The following TMEM240 variants were observed in gnomAD, a reference collection of about 807,000 sequenced individuals.
TMEM240 encodes transmembrane protein 240.
In TMEM240, 3 loss-of-function variants were observed where a neutral mutation model predicts 19.5. The ratio of observed to expected loss-of-function variants is 0.15; its 90% confidence interval spans 0.07 to 0.40. TMEM240 has a LOEUF of 0.40. Among genes scored for constraint, TMEM240 ranks in the 10% least tolerant of loss-of-function variants. The probability of loss-of-function intolerance (pLI) is 1.00; values close to 1 mark genes in which losing one functional copy is unlikely to be tolerated. For synonymous variants in TMEM240, 123 were observed against 109.3 expected, an observed-to-expected ratio of 1.13 and a Z score of -0.78; for missense variants, 210 against 253.5, an observed-to-expected ratio of 0.83 and a Z score of 1.17.
At position 1,535,762 on chromosome 1, in the gene TMEM240, T is replaced by C. The variant is rs1481499756; in HGVS notation, c.200A>G (p.Asp67Gly). Reference sequence around the variant, plus strand: ...CTCGGAGGCGTCCACCACCGACTGGTCCCCGTCGTACGGGATCACGTAGTG... The same window carrying C: ...CTCGGAGGCGTCCACCACCGACTGGCCCCCGTCGTACGGGATCACGTAGTG... ...HIHYVIPYDGDQSVVDASENY... is the reference protein window; with the variant it reads ...HIHYVIPYDGGQSVVDASENY... The change falls in exon 3 of 4, where the codon GAC (aspartate) becomes GGC (glycine). Residue 67 changes from aspartate (D) to glycine (G), a missense_variant. Asp to Gly is a moderately conservative substitution (Grantham distance 94). This residue lies in a region of TMEM240 where 157 missense variants were observed against 168.2 expected (regional missense o/e 0.93). Coordinates refer to ENST00000378733, the MANE Select transcript of TMEM240 (RefSeq NM_001114748.2). The surrounding 1 kb of genome is among the most constrained non-coding windows in gnomAD (Gnocchi z 8.2). 1.3e-6 allele frequency: 2 copies of C among 1,549,664 alleles called. No individual in the cohort carries two copies. Among genetic ancestry groups the C allele is most frequent in the Admixed American group, 2.0e-5 (1 of 50,926 alleles).
chr1:1,538,675 C>A (rs1418077841), intron 2 of TMEM240, among the ~76,000 whole-genome samples: 1 of 152,252 alleles, frequency 6.6e-6, no homozygotes. Flanking sequence ...GTCACAGACA[C>A]CCCGATCTCT....
Position 1,539,758 on chromosome 1 carries a change from C to T in TMEM240, c.90G>A (p.Leu30=). 1 of 1,547,876 alleles carries T rather than the reference C, an allele frequency of 6.5e-7. No homozygotes were observed. The highest frequency in any genetic ancestry group is 1.4e-5 in the African/African-American group (1 of 72,932). The change falls in exon 2 of 4, where the codon CTG becomes CTA. Residue 30 remains leucine (L), a synonymous_variant. Coordinates refer to ENST00000378733, the MANE Select transcript of TMEM240 (RefSeq NM_001114748.2). Reference sequence around the variant, plus strand: ...GGATGTAGTTGTGGAATCGGTCCAGCAGCGCGTTCATGTCCATCAAGCACG... The same window carrying T: ...GGATGTAGTTGTGGAATCGGTCCAGTAGCGCGTTCATGTCCATCAAGCACG... The part of the protein sequence containing the change: ...AIACLMDMNA[L]LDRFHNYILP...
Position 1,535,358 on chromosome 1 carries a change from C to T in TMEM240, c.*1G>A, listed in dbSNP as rs531981268. ...GTGGCCCCGGTAAGTCCCCGTGCGGCTCACAGGTGCCGCGGGCTGGGGTGG... is the reference window on the plus strand; with the variant it reads ...GTGGCCCCGGTAAGTCCCCGTGCGGTTCACAGGTGCCGCGGGCTGGGGTGG... On this transcript the variant is annotated 3_prime_UTR_variant, in exon 4 of 4. Transcript: ENST00000378733. The surrounding 1 kb of genome is among the most constrained non-coding windows in gnomAD (Gnocchi z 8.2). The T allele has an allele frequency of 1.2e-5, 18 of 1,549,336 alleles. No individual in the cohort carries two copies. The Admixed American group carries it at 3.1e-4, about 27-fold the overall frequency.
At chr1:1,537,323 C>T (rs969184772) in intron 2 of TMEM240, among the ~76,000 whole-genome samples, 10 of 152,208 alleles carry the variant, frequency 6.6e-5, no homozygotes, top group South Asian at 4.2e-4. Context: ...CACCTGGTGA[C>T]GAGCCTGTCC....
rs956912755 is a variant in TMEM240, at chr1:1,536,356, GCTC to G, written c.165-562_165-560del. Among the ~76,000 whole-genome samples the G allele has an allele frequency of 4.6e-5, 7 of 152,132 alleles. No individual in the cohort carries two copies. Among genetic ancestry groups the G allele is most frequent in the Non-Finnish European group, 8.8e-5 (6 of 68,002 alleles). On this transcript the variant is annotated intron_variant, in intron 2 of 3. Transcript: ENST00000378733. This position sits in a 1 kb window ranked among gnomAD's most constrained non-coding sequence, Gnocchi z 5.4. ...GCCCACTGCCCCTGGTGTTTCTTCTGCTCCTCTATCCCTGGGAGGTGCTGTCGG... is the reference window on the plus strand; with the variant it reads ...GCCCACTGCCCCTGGTGTTTCTTCTGCTCTATCCCTGGGAGGTGCTGTCGG...
In TMEM240 at chr1:1,534,938, C is replaced by T. The variant is rs980098638; in HGVS notation, c.*421G>A. Reference sequence around the variant, plus strand: ...GCTCCCCTCGCCCCCCTCCCCTCCGCCCAAGCTGGCTGGGGCCAGACAGAC... The same window carrying T: ...GCTCCCCTCGCCCCCCTCCCCTCCGTCCAAGCTGGCTGGGGCCAGACAGAC... On this transcript the variant is annotated 3_prime_UTR_variant, in exon 4 of 4. Transcript: ENST00000378733. 6.6e-6 allele frequency among the ~76,000 whole-genome samples: 1 copy of T among 151,018 alleles called. No homozygotes were observed. Among genetic ancestry groups the T allele is most frequent in the Non-Finnish European group, 1.5e-5 (1 of 67,812 alleles).
At chr1:1,539,607 G>C (rs892961737) in intron 2 of TMEM240, 77 bp downstream of exon 2, 1 of 1,322,038 alleles carries the variant, frequency 7.6e-7, no homozygotes. Context: ...CGTGGGGCTG[G>C]TTCCCCCGCG....
Position 1,535,723 on chromosome 1 carries a change from G to A in TMEM240, c.239C>T (p.Thr80Met), listed in dbSNP as rs606231454. The change falls in exon 3 of 4, where the codon ACG becomes ATG. Residue 80 changes from threonine (T) to methionine (M), a missense_variant. Transcript: ENST00000378733. This position sits in a 1 kb window ranked among gnomAD's most constrained non-coding sequence, Gnocchi z 8.2. ...GATCTCCTGCTTGGTCACACTGTCC[G>A]TCACAAAGTAGTTCTCGGAGGCGTC... ...VVDASENYFV[T>M]DSVTKQEIDL... is the part of the protein sequence containing the mutation. The A allele has an allele frequency of 6.3e-5, 97 of 1,550,376 alleles. No homozygotes were observed. The highest frequency in any genetic ancestry group is 7.2e-5 in the Non-Finnish European group (83 of 1,146,754).
intron 2 of TMEM240, among the ~76,000 whole-genome samples, chr1:1,537,494 G>GT (rs760671132): frequency 2.0e-4 from 30 of 152,228 alleles, no homozygotes; most frequent in African/African-American, 5.5e-4. Context: ...CACAGCCTGT[G>GT]TCCCCCACCA....
chr1:1,535,933 C>T lies in TMEM240; in HGVS notation c.165-136G>A, dbSNP rs1185769052. The stretch of plus-strand genomic sequence containing the variant: ...TCTCTGAAGCAGCCTCTTGGGCGGG[C>T]GGGTCGGGAAGGGGGCACCAGACTC... On this transcript the variant is annotated intron_variant, in intron 2 of 3. Transcript: ENST00000378733. The surrounding 1 kb of genome is among the most constrained non-coding windows in gnomAD (Gnocchi z 8.2). 2.7e-5 allele frequency: 9 copies of T among 336,724 alleles called. No homozygotes were observed. Among genetic ancestry groups the T allele is most frequent in the African/African-American group, 9.1e-5 (4 of 44,136 alleles). The allele number at this position is 336,724 out of a possible 1,614,324, so 20.9% of individuals were successfully genotyped here.
intron 1 of TMEM240, 23 bp from the exon 2 acceptor site, chr1:1,539,813 A>G (rs1642272586): frequency 6.5e-7 from 1 of 1,530,942 alleles, no homozygotes; most frequent in South Asian, 1.2e-5. Flanking sequence ...ATGACCGGTC[A>G]GCGCCAAGGA....
Position 1,535,518 on chromosome 1 carries a change from A to G in TMEM240, c.374-11T>C. ...AGGTCCACGAGCCATCTGCGGGGGG[A>G]CAGGGGCGGTCAGGCGGCTGGGGCC... On this transcript the variant is annotated splice_polypyrimidine_tract_variant and intron_variant, in intron 3 of 3. Transcript: ENST00000378733. The surrounding 1 kb of genome is among the most constrained non-coding windows in gnomAD (Gnocchi z 8.2). 1 of 1,541,496 alleles carries G rather than the reference A, an allele frequency of 6.5e-7. No homozygotes were observed. The highest frequency in any genetic ancestry group is 8.8e-7 in the Non-Finnish European group (1 of 1,142,444).
chr1:1,538,319 C>T (rs962177686), intron 2 of TMEM240, among the ~76,000 whole-genome samples: 2 of 152,244 alleles, frequency 1.3e-5, no homozygotes, highest in African/African-American at 4.8e-5. Flanking sequence ...TTCCCACACA[C>T]GGCTGCCTTC....
Position 1,539,417 on chromosome 1 carries a change from G to A in TMEM240, c.164+267C>T, listed in dbSNP as rs1348315937. 9 of 510,530 alleles carry A rather than the reference G, an allele frequency of 1.8e-5. No homozygotes were observed. In the East Asian group the frequency reaches 2.2e-4, roughly 13 times the overall value. 31.6% of individuals were successfully genotyped at this position (510,530 alleles called of 1,614,324 possible). A position where few individuals can be genotyped will look rare whatever the true frequency, so the allele number is the denominator to read the frequency against. On this transcript the variant is annotated intron_variant, in intron 2 of 3. Coordinates refer to ENST00000378733, the MANE Select transcript of TMEM240 (RefSeq NM_001114748.2). The stretch of plus-strand genomic sequence containing the variant: ...CACTGTGGACATCACACTGGGCTGC[G>A]GCTTTCCGGCCTCCAGGCTGGACCA...
intron 2 of TMEM240, among the ~76,000 whole-genome samples, chr1:1,538,778 A>G (rs1204536154): frequency 1.3e-5 from 2 of 152,228 alleles, no homozygotes; most frequent in Non-Finnish European, 2.9e-5. Context: ...TCCTGAACAC[A>G]CATGCCCCAC....
intron 2 of TMEM240, among the ~76,000 whole-genome samples, chr1:1,538,096 G>A (rs564905025): frequency 6.6e-6 from 1 of 152,364 alleles, no homozygotes; most frequent in East Asian, 1.9e-4. Context: ...CACACACACT[G>A]GCTGCAGCTA....
At position 1,536,067 on chromosome 1, in the gene TMEM240, G is replaced by A. The variant is rs1642214983; in HGVS notation, c.165-270C>T. ...AGCGGGACCAGCTGCCGGCGAGGGT[G>A]TCGGCCCTCACTCAGCACCTCCTCC... is the stretch of plus-strand genomic sequence containing the variant. On this transcript the variant is annotated intron_variant, in intron 2 of 3. Transcript: ENST00000378733. The surrounding 1 kb of genome is among the most constrained non-coding windows in gnomAD (Gnocchi z 5.4). Among the ~76,000 whole-genome samples, 1 of 152,112 alleles carries A rather than the reference G, an allele frequency of 6.6e-6. No individual in the cohort carries two copies. The highest frequency in any genetic ancestry group is 1.5e-5 in the Non-Finnish European group (1 of 67,986).
In TMEM240 at chr1:1,536,833, G is replaced by T. The variant is rs1179885323; in HGVS notation, c.165-1036C>A. The stretch of plus-strand genomic sequence containing the variant: ...CCCACATCTCCGCCGAGCTCCAGCT[G>T]CCTGTGTCTCCACGTGGGATCCGCA... On this transcript the variant is annotated intron_variant, in intron 2 of 3. Transcript: ENST00000378733. The surrounding 1 kb of genome is among the most constrained non-coding windows in gnomAD (Gnocchi z 5.4). 1.3e-5 allele frequency among the ~76,000 whole-genome samples: 2 copies of T among 152,082 alleles called. No individual in the cohort carries two copies. The highest frequency in any genetic ancestry group is 2.9e-5 in the Non-Finnish European group (2 of 68,016).
In TMEM240 at chr1:1,536,318, C is replaced by A. The variant is rs1029099511; in HGVS notation, c.165-521G>T. ...TGTGCCCTTTCCTCCACGGCTGCCA[C>A]CGCGCCTGCCAGGCCCACTGCCCCT... On this transcript the variant is annotated intron_variant, in intron 2 of 3. Coordinates refer to ENST00000378733, the MANE Select transcript of TMEM240 (RefSeq NM_001114748.2). This position sits in a 1 kb window ranked among gnomAD's most constrained non-coding sequence, Gnocchi z 5.4. 2.0e-5 allele frequency among the ~76,000 whole-genome samples: 3 copies of A among 152,178 alleles called. No homozygotes were observed. Among genetic ancestry groups the A allele is most frequent in the African/African-American group, 4.8e-5 (2 of 41,438 alleles).
Sources: gnomAD v4.1 joint callset for allele counts (sites outside exome capture counted in the v4.1 genomes callset) on GRCh38, gnomAD v4.1.1 for gene constraint, gnomAD v4.1.1 regional missense constraint, Gnocchi (gnomAD v3.1) non-coding constraint, MANE v1.5 for transcripts, NCBI Gene and HGNC (gene_info 2026-07-23, HGNC 2026-07-21) for gene names.